Variants in SHANK2 observed in about 807,000 individuals in gnomAD.
SHANK2 encodes the protein SH3 and multiple ankyrin repeat domains protein 2.
SHANK2 carries 43 observed loss-of-function variants against 133.7 expected under a neutral mutation model. The ratio of observed to expected loss-of-function variants is 0.32; its 90% CI spans 0.25 to 0.41. SHANK2 has a LOEUF of 0.41. SHANK2 is among the 10% of genes least tolerant of loss of function. SHANK2 has a pLI of 1.00. For missense variants in SHANK2, 1,994 were observed against 2,235.8 expected (o/e 0.89, Z 2.18); for synonymous variants, 1,017 against 952.8 (o/e 1.07, Z -1.24).
intron 13 of SHANK2, among the ~76,000 whole-genome samples, chr11:70,799,448 C>T (rs1947995139): frequency 6.6e-6 from 1 of 152,112 alleles, no homozygotes; most frequent in African/African-American, 2.4e-5. Context: ...GATGGGCGAG[C>T]AGCTCACGAA....
chr11:70,792,576 T>C (rs1401585368), intron 14 of SHANK2, among the ~76,000 whole-genome samples: 1 of 152,246 alleles, frequency 6.6e-6, no homozygotes, highest in African/African-American at 2.4e-5. Flanking sequence ...GTCACTCACT[T>C]ATTTCATTTA....
At chr11:70,753,924 G>A (rs547305949) in intron 14 of SHANK2, among the ~76,000 whole-genome samples, 128 of 149,236 alleles carry the variant, frequency 8.6e-4, no homozygotes, top group African/African-American at 3.1e-3. Flanking sequence ...TGAGTCTCCT[G>A]CCTCAGCCTC....
chr11:70,577,975 GGA>G, intron 17 of SHANK2, among the ~76,000 whole-genome samples: 1 of 152,188 alleles, frequency 6.6e-6, no homozygotes, highest in Admixed American at 6.5e-5. Context: ...TGCGAGCCCA[GGA>G]GAGAGGCCTC....
chr11:70,873,107 C>T (rs1555070518), intron 11 of SHANK2: 1 of 471,274 alleles, frequency 2.1e-6, no homozygotes. Flanking sequence ...AGCTTGGGCC[C>T]TGCAGTTTAT....
rs2061461551 is a variant in SHANK2 at position 70,660,026 on chromosome 11, A to G, written c.1937-74T>C. On this transcript the variant is annotated intron_variant, in intron 16 of 25. Coordinates refer to ENST00000601538, the MANE Select transcript of SHANK2 (RefSeq NM_012309.5). The stretch of plus-strand genomic sequence containing the variant: ...AGTTCACATTGCCTGACCTCCCCAC[A>G]GGACCCCGGGAGGAAGTGGGCCCAC... 3.1e-6 allele frequency: 5 copies of G among 1,599,634 alleles called. No individual in the cohort carries two copies. In the Admixed American group the frequency reaches 8.4e-5, roughly 27 times the overall value.
chr11:70,664,782 G>T (rs1420698582), intron 15 of SHANK2, among the ~76,000 whole-genome samples: 1 of 152,226 alleles, frequency 6.6e-6, no homozygotes, highest in East Asian at 1.9e-4. Context: ...AAGGGCAGGG[G>T]CATTCCAGTG....
chr11:70,472,719 G>A lies in SHANK2; in HGVS notation c.*150C>T, dbSNP rs1172071329. The A allele has an allele frequency of 8.7e-6, 7 of 802,266 alleles. No individual in the cohort carries two copies. The Admixed American group carries it at 1.4e-4, about 16-fold the overall frequency. 49.7% of individuals were successfully genotyped at this position (802,266 alleles called of 1,614,324 possible). A position where few individuals can be genotyped will look rare whatever the true frequency, so the allele number is the denominator to read the frequency against. On this transcript the variant is annotated 3_prime_UTR_variant, in exon 26 of 26. Coordinates refer to ENST00000601538, the MANE Select transcript of SHANK2 (RefSeq NM_012309.5). This position sits in a 1 kb window ranked among gnomAD's most constrained non-coding sequence, Gnocchi z 4.4. ...GGGTCTGAAGACCCAGCCATGTTGT[G>A]GACACAACTCAGTATTTCTTTGGGT...
At chr11:70,930,659 C>CTTTTTTTT (rs367913415) in intron 10 of SHANK2, among the ~76,000 whole-genome samples, 2 of 114,194 alleles carry the variant, frequency 1.8e-5, no homozygotes, top group Non-Finnish European at 1.8e-5. Context: ...ATTTCTTTGT[C>CTTTTTTTT]TTTTTTTTTT....
intron 8 of SHANK2, among the ~76,000 whole-genome samples, chr11:71,082,135 G>A (rs1951309159): frequency 6.6e-6 from 1 of 152,222 alleles, no homozygotes; most frequent in Non-Finnish European, 1.5e-5. Context: ...ACCACAGCCT[G>A]GTTCCAACAC....
At position 71,127,664 on chromosome 11, in the gene SHANK2, T is replaced by C. The variant is rs115138150; in HGVS notation, c.208-8632A>G. Among the ~76,000 whole-genome samples, 1,308 of 152,340 alleles carry C rather than the reference T, an allele frequency of 8.6e-3. 21 individuals carry two copies. The highest frequency in any genetic ancestry group is 0.03 in the African/African-American group (1,243 of 41,574). ...AATTAGGGTATATACACTGCTTTTTTAGACATGATGCTATTACATACTTAA... is the reference window on the plus strand; with the variant it reads ...AATTAGGGTATATACACTGCTTTTTCAGACATGATGCTATTACATACTTAA... On this transcript the variant is annotated intron_variant, in intron 3 of 25. Transcript: ENST00000601538.
intron 17 of SHANK2, among the ~76,000 whole-genome samples, chr11:70,637,200 TG>T (rs1434335308): frequency 6.6e-6 from 1 of 152,172 alleles, no homozygotes; most frequent in African/African-American, 2.4e-5. Context: ...CCTCCAGTTA[TG>T]GAGCCTGTTG....
chr11:70,854,191 C>T lies in SHANK2; in HGVS notation c.1175-33509G>A, dbSNP rs1052472401. On this transcript the variant is annotated intron_variant, in intron 11 of 25. Transcript: ENST00000601538. Reference sequence around the variant, plus strand: ...TAATTTCTACGAAGACCACATATTACCTCTCTATTCAGAGGCAAATAAATA... The same window carrying T: ...TAATTTCTACGAAGACCACATATTATCTCTCTATTCAGAGGCAAATAAATA... Among the ~76,000 whole-genome samples, 4 of 152,280 alleles carry T rather than the reference C, an allele frequency of 2.6e-5. No homozygotes were observed. In the East Asian group the frequency reaches 7.7e-4, roughly 29 times the overall value.
chr11:70,912,040 C>T (rs1950198560), intron 10 of SHANK2, among the ~76,000 whole-genome samples: 1 of 132,608 alleles, frequency 7.5e-6, no homozygotes, highest in Non-Finnish European at 1.5e-5. Context: ...TGAGATTGGA[C>T]CACTGCACTC....
chr11:71,112,044 GACA>G (rs782262471), intron 5 of SHANK2, among the ~76,000 whole-genome samples: 5 of 152,170 alleles, frequency 3.3e-5, no homozygotes, highest in Non-Finnish European at 7.3e-5. Context: ...CCCACATCTG[GACA>G]ACTTGAGCAC....
At chr11:71,136,312 TA>T (rs1317072093) in intron 3 of SHANK2, among the ~76,000 whole-genome samples, 2 of 151,950 alleles carry the variant, frequency 1.3e-5, no homozygotes, top group African/African-American at 4.8e-5. Context: ...TACTCAGCCA[TA>T]AAAAAGGAGA....
chr11:70,637,841 GGC>G (rs2061125955), intron 17 of SHANK2, among the ~76,000 whole-genome samples: 1 of 152,234 alleles, frequency 6.6e-6, no homozygotes, highest in African/African-American at 2.4e-5. Flanking sequence ...GCCAGCCTCA[GGC>G]TGACCAGTGA....
intron 11 of SHANK2, among the ~76,000 whole-genome samples, chr11:70,867,053 G>A (rs1949373526): frequency 1.3e-5 from 2 of 151,460 alleles, no homozygotes; most frequent in South Asian, 4.2e-4. Context: ...CACCACCATG[G>A]ACAGCACAGA....
At chr11:70,748,600 C>A (rs1321914161) in intron 14 of SHANK2, among the ~76,000 whole-genome samples, 8 of 152,174 alleles carry the variant, frequency 5.3e-5, no homozygotes, top group African/African-American at 1.9e-4. Flanking sequence ...TAAATATTTT[C>A]TAATGCCACC....
chr11:70,823,016 T>C (rs185462360), intron 11 of SHANK2, among the ~76,000 whole-genome samples: 5 of 80,466 alleles, frequency 6.2e-5, no homozygotes, highest in Admixed American at 1.5e-4. Flanking sequence ...GTTGGCAGAG[T>C]TCATGGGGGA....
Sources: gnomAD v4.1 joint callset for allele counts (sites outside exome capture counted in the v4.1 genomes callset) on GRCh38, gnomAD v4.1.1 for gene constraint, Gnocchi (gnomAD v3.1) non-coding constraint, MANE v1.5 for transcripts, NCBI Gene and HGNC (gene_info 2026-07-23, HGNC 2026-07-21) for gene names.